Variants in VXN observed in about 807,000 individuals in gnomAD.
VXN encodes the protein uncharacterized protein C8orf46.
In VXN, 7 loss-of-function variants were observed where a neutral mutation model predicts 23.1. That is an observed-to-expected ratio of 0.30 (90% CI 0.17 to 0.57). The LOEUF (loss-of-function observed/expected upper bound fraction) is 0.57. VXN is among the 20% of genes least tolerant of loss of function. The pLI is 0.91. For synonymous variants in VXN, 120 were observed against 105.8 expected (o/e 1.13, Z -0.83); for missense variants, 238 against 272.6 (o/e 0.87, Z 0.89).
chr8:66,502,757 CA>C (rs1260163193), intron 2 of VXN, among the ~76,000 whole-genome samples: 1 of 150,376 alleles, frequency 6.6e-6, no homozygotes, highest in Non-Finnish European at 1.5e-5. Flanking sequence ...TCAAAATAAA[CA>C]AAAAAAGAAA....
At chr8:66,497,131 C>T (rs946520198) in intron 2 of VXN, among the ~76,000 whole-genome samples, 5 of 152,186 alleles carry the variant, frequency 3.3e-5, no homozygotes, top group African/African-American at 1.2e-4. Context: ...GATCCATCTG[C>T]CTTGGCCTTC....
In VXN at chr8:66,517,138, A is replaced by C. The variant is rs1395241674; in HGVS notation, c.*1062A>C. On this transcript the variant is annotated 3_prime_UTR_variant, in exon 6 of 6. Transcript: ENST00000305454. ...GTAGGTCAAAAACAATTGAGCATCA[A>C]TTTCATATGGTTCAACCTCATATAT... 1 of 152,236 alleles carries C rather than the reference A, an allele frequency of 6.6e-6. No homozygotes were observed. The highest frequency in any genetic ancestry group is 1.5e-5 in the Non-Finnish European group (1 of 68,034). 9.4% of individuals were successfully genotyped at this position (152,236 alleles called of 1,614,324 possible). A position where few individuals can be genotyped will look rare whatever the true frequency, so the allele number is the denominator to read the frequency against.
At position 66,494,202 on chromosome 8, in the gene VXN, T is replaced by G. The variant is rs1279510666; in HGVS notation, c.70+484T>G. On this transcript the variant is annotated intron_variant, in intron 1 of 5. Transcript: ENST00000305454. ...AAGCCGTCAGAGAGCGCCCTGACCCTGGGCTGGCTTCTCCACAGAACCCAG... is the reference window on the plus strand; with the variant it reads ...AAGCCGTCAGAGAGCGCCCTGACCCGGGGCTGGCTTCTCCACAGAACCCAG... Among the ~76,000 whole-genome samples, 4 of 152,202 alleles carry G rather than the reference T, an allele frequency of 2.6e-5. No homozygotes were observed. The East Asian group carries it at 7.7e-4, about 29-fold the overall frequency.
intron 2 of VXN, among the ~76,000 whole-genome samples, chr8:66,496,894 T>A (rs1367122808): frequency 1.0e-5 from 1 of 99,540 alleles, no homozygotes; most frequent in Non-Finnish European, 2.1e-5. Flanking sequence ...TAAAATACTA[T>A]TTTTTTTTTG....
intron 4 of VXN, among the ~76,000 whole-genome samples, chr8:66,513,192 C>T (rs1048723558): frequency 6.6e-6 from 1 of 152,134 alleles, no homozygotes; most frequent in African/African-American, 2.4e-5. Context: ...TGGCAGTTGC[C>T]ATATAAGACT....
chr8:66,516,035 G>A lies in VXN; in HGVS notation c.583G>A (p.Glu195Lys). Residue 195 changes from glutamate (E) to lysine (K), a missense_variant, in exon 6 of 6, where the codon GAA becomes AAA. Physicochemically the swap from Glu to Lys is moderately conservative, Grantham distance 56. Around this residue, in one of 2 missense-constraint regions of VXN, gnomAD observed 223 missense variants for 236.9 expected, o/e 0.94. Coordinates refer to ENST00000305454, the MANE Select transcript of VXN (RefSeq NM_152765.4). Reference sequence around the variant, plus strand: ...GTGGACAAGGCACAAGAAGAAGTCTGAATATGTGGGAGCCACCAACAGCGC... The same window carrying A: ...GTGGACAAGGCACAAGAAGAAGTCTAAATATGTGGGAGCCACCAACAGCGC... ...KMWTRHKKKS[E>K]YVGATNSAFE... The A allele has an allele frequency of 6.2e-7, 1 of 1,613,178 alleles. No individual in the cohort carries two copies. Among genetic ancestry groups the A allele is most frequent in the Non-Finnish European group, 8.5e-7 (1 of 1,179,942 alleles).
intron 5 of VXN, among the ~76,000 whole-genome samples, chr8:66,515,233 T>G (rs1289079729): frequency 6.6e-6 from 1 of 152,218 alleles, no homozygotes; most frequent in African/African-American, 2.4e-5. Context: ...AATGGCTCCC[T>G]TCTCTCTAAA....
At position 66,510,167 on chromosome 8, in the gene VXN, A is replaced by G; in HGVS notation, c.342+10A>G. ...ATATGGAAAATCTCTGGTAAGTAAA[A>G]TAAGCCTGCTTAGTTGTATCTGTTG... On this transcript the variant is annotated intron_variant, in intron 4 of 5. Coordinates refer to ENST00000305454, the MANE Select transcript of VXN (RefSeq NM_152765.4). 1 of 1,607,290 alleles carries G rather than the reference A, an allele frequency of 6.2e-7. No individual in the cohort carries two copies. The highest frequency in any genetic ancestry group is 8.5e-7 in the Non-Finnish European group (1 of 1,175,624).
chr8:66,497,736 A>T (rs1807641921), intron 2 of VXN, among the ~76,000 whole-genome samples: 1 of 152,092 alleles, frequency 6.6e-6, no homozygotes, highest in African/African-American at 2.4e-5. Context: ...TCCATTAAAA[A>T]TTTTTTTCGA....
At chr8:66,513,235 C>T (rs547581182) in intron 4 of VXN, among the ~76,000 whole-genome samples, 1 of 152,358 alleles carries the variant, frequency 6.6e-6, no homozygotes, top group African/African-American at 2.4e-5. Context: ...TCATTTCTCT[C>T]TCCTGAGTTT....
At chr8:66,507,206 G>A (rs1456281406) in intron 3 of VXN, among the ~76,000 whole-genome samples, 4 of 152,170 alleles carry the variant, frequency 2.6e-5, no homozygotes, top group African/African-American at 9.7e-5. Flanking sequence ...GGAGTCCCAG[G>A]AGCAGCAGCA....
intron 2 of VXN, among the ~76,000 whole-genome samples, chr8:66,503,106 A>G (rs1807709593): frequency 6.6e-6 from 1 of 152,092 alleles, no homozygotes; most frequent in South Asian, 2.1e-4. Context: ...TCATCCTCCC[A>G]AAGTGCTGGG....
At chr8:66,507,476 A>G (rs1365456496) in intron 3 of VXN, among the ~76,000 whole-genome samples, 1 of 152,162 alleles carries the variant, frequency 6.6e-6, no homozygotes, top group Non-Finnish European at 1.5e-5. Context: ...CAGAGCCAAG[A>G]TTGAATCTCC....
chr8:66,497,054 T>C (rs1161329811), intron 2 of VXN, among the ~76,000 whole-genome samples: 1 of 152,148 alleles, frequency 6.6e-6, no homozygotes, highest in Non-Finnish European at 1.5e-5. Flanking sequence ...CTGGCTAATT[T>C]TTTGTATTTT....
intron 5 of VXN, among the ~76,000 whole-genome samples, chr8:66,514,831 A>G (rs938914499): frequency 6.6e-6 from 1 of 152,176 alleles, no homozygotes; most frequent in African/African-American, 2.4e-5. Context: ...ACTTGGGAAC[A>G]TGTTGGATGC....
chr8:66,510,255 G>A, intron 4 of VXN, 98 bp downstream of exon 4: 1 of 1,010,628 alleles, frequency 9.9e-7, no homozygotes, highest in South Asian at 1.6e-5. Flanking sequence ...AGTGTTCTTT[G>A]TTCCAGGCCT....
chr8:66,497,605 C>T (rs1373835278), intron 2 of VXN, among the ~76,000 whole-genome samples: 4 of 152,168 alleles, frequency 2.6e-5, no homozygotes, highest in African/African-American at 7.2e-5. Context: ...TACATCTTTG[C>T]GCTTTAAAGT....
At chr8:66,500,867 GAT>G (rs1491328394) in intron 2 of VXN, among the ~76,000 whole-genome samples, 2 of 140,478 alleles carry the variant, frequency 1.4e-5, no homozygotes, top group African/African-American at 5.4e-5. Context: ...CAAAGGACAT[GAT>G]TTTTTTTTTT....
At chr8:66,498,345 T>A (rs1216571941) in intron 2 of VXN, among the ~76,000 whole-genome samples, 4 of 151,958 alleles carry the variant, frequency 2.6e-5, no homozygotes, top group African/African-American at 7.3e-5. Flanking sequence ...ATAAAAAAAA[T>A]AATAATAATG....
Sources: allele counts gnomAD v4.1 joint callset (sites outside exome capture counted in the v4.1 genomes callset), GRCh38; gene constraint gnomAD v4.1.1; regional missense constraint gnomAD v4.1.1; transcripts MANE v1.5; gene names NCBI Gene and HGNC (gene_info 2026-07-23, HGNC 2026-07-21).